TJP1: variants seen among roughly 807,000 people sequenced by gnomAD.
TJP1 encodes tight junction protein ZO-1.
In TJP1, 43 loss-of-function variants were observed where a neutral mutation model predicts 194.2. The observed-to-expected ratio is 0.22, with a 90% confidence interval of 0.17 to 0.29. TJP1 has a LOEUF of 0.29. Among genes scored for constraint, TJP1 ranks in the 10% least tolerant of loss-of-function variants. The pLI is 1.00. For synonymous variants in TJP1, 801 were observed against 779.0 expected (o/e 1.03, Z -0.47); for missense variants, 1,971 against 2,185.7 (o/e 0.90, Z 1.96).
intron 2 of TJP1, among the ~76,000 whole-genome samples, chr15:29,784,665 A>C (rs1018203053): frequency 1.3e-5 from 2 of 152,152 alleles, no homozygotes; most frequent in Non-Finnish European, 2.9e-5. Flanking sequence ...AAACCAGTCA[A>C]CATGCAAGAA....
At chr15:29,855,048 C>T (rs1220627753) in intron 2 of TJP1, among the ~76,000 whole-genome samples, 1 of 152,036 alleles carries the variant, frequency 6.6e-6, no homozygotes, top group Admixed American at 6.5e-5. Flanking sequence ...TTGATACTTC[C>T]ACTGTATACC....
intron 4 of TJP1, among the ~76,000 whole-genome samples, chr15:29,768,449 G>C (rs1224564733): frequency 6.6e-6 from 1 of 152,092 alleles, no homozygotes; most frequent in African/African-American, 2.4e-5. Flanking sequence ...TTAATCTTCA[G>C]TTCCTCCCTA....
intron 2 of TJP1, among the ~76,000 whole-genome samples, chr15:29,885,223 C>T (rs973231513): frequency 4.6e-5 from 7 of 152,232 alleles, no homozygotes; most frequent in Admixed American, 1.3e-4. Flanking sequence ...ATACATTATC[C>T]TTTTAGGAGG....
At chr15:29,830,618 A>G (rs2050808886) in intron 2 of TJP1, among the ~76,000 whole-genome samples, 1 of 151,824 alleles carries the variant, frequency 6.6e-6, no homozygotes, top group Non-Finnish European at 1.5e-5. Flanking sequence ...GAAAAGAGAA[A>G]CAAGTATAAA....
At chr15:29,858,230 G>A (rs1174194836) in intron 2 of TJP1, among the ~76,000 whole-genome samples, 3 of 152,008 alleles carry the variant, frequency 2.0e-5, no homozygotes, top group Non-Finnish European at 4.4e-5. Flanking sequence ...TCGAAACTTC[G>A]TCTCTATAAA....
At position 29,819,262 on chromosome 15, in the gene TJP1, A is replaced by T. The variant is rs1442526317; in HGVS notation, c.27+2740T>A. On this transcript the variant is annotated intron_variant, in intron 1 of 27. Coordinates refer to ENST00000614355, the MANE Select transcript of TJP1 (RefSeq NM_001330239.4). ...ATGGATAACCAATAGTCCTAGCACC[A>T]TACATTGAACAAGCCACTTTCTCCA... 3.3e-5 allele frequency among the ~76,000 whole-genome samples: 5 copies of T among 152,196 alleles called. No homozygotes were observed. In the East Asian group the frequency reaches 9.6e-4, roughly 29 times the overall value.
chr15:29,851,614 T>C (rs562274419), intron 2 of TJP1, among the ~76,000 whole-genome samples: 4 of 152,124 alleles, frequency 2.6e-5, no homozygotes, highest in Non-Finnish European at 5.9e-5. Context: ...CTAAAGCTTA[T>C]ATGGAAAGGA....
chr15:29,936,541 T>C (rs572337602), intron 2 of TJP1, among the ~76,000 whole-genome samples: 9 of 152,298 alleles, frequency 5.9e-5, no homozygotes, highest in Non-Finnish European at 1.0e-4. Flanking sequence ...AAACTGAGGC[T>C]TTCTTCCCCA....
At position 29,716,863 on chromosome 15, in the gene TJP1, G is replaced by C. The variant is rs764930578; in HGVS notation, c.3975-25C>G. On this transcript the variant is annotated intron_variant, in intron 22 of 27. Coordinates refer to ENST00000614355, the MANE Select transcript of TJP1 (RefSeq NM_001330239.4). ...CCTAACAGATAATGAATGACAAACG[G>C]AACACCTTTTTAAATATTAATGTTA... The C allele has an allele frequency of 2.6e-6, 4 of 1,550,454 alleles. No individual in the cohort carries two copies. The East Asian group carries it at 6.8e-5, about 26-fold the overall frequency.
intron 2 of TJP1, among the ~76,000 whole-genome samples, chr15:29,839,767 T>C (rs935225301): frequency 6.6e-6 from 1 of 152,238 alleles, no homozygotes; most frequent in African/African-American, 2.4e-5. Flanking sequence ...TGCCTAAGAA[T>C]TGAAATGATA....
At chr15:29,780,697 T>C (rs538701066) in intron 2 of TJP1, among the ~76,000 whole-genome samples, 2 of 152,050 alleles carry the variant, frequency 1.3e-5, no homozygotes, top group African/African-American at 4.8e-5. Context: ...AAAACTGTTA[T>C]TAGCACAAGA....
chr15:29,736,386 G>A (rs1313367365), intron 11 of TJP1, among the ~76,000 whole-genome samples: 3 of 152,218 alleles, frequency 2.0e-5, no homozygotes. Flanking sequence ...AGATTCTGGA[G>A]CAGACAGGAG....
intron 23 of TJP1, among the ~76,000 whole-genome samples, chr15:29,714,953 C>T (rs369579620): frequency 4.9e-4 from 74 of 152,298 alleles, no homozygotes; most frequent in African/African-American, 1.5e-3. Context: ...ATGTGTTTAA[C>T]GGTGTTTAGT....
At chr15:29,753,483 CAAAA>C (rs34221786) in intron 8 of TJP1, among the ~76,000 whole-genome samples, 2 of 47,936 alleles carry the variant, frequency 4.2e-5, no homozygotes, top group East Asian at 6.4e-4. Context: ...GACTCTGTGT[CAAAA>C]AAAAAAAAAA....
intron 2 of TJP1, among the ~76,000 whole-genome samples, chr15:29,783,926 C>A (rs2047534892): frequency 6.6e-6 from 1 of 152,084 alleles, no homozygotes; most frequent in Admixed American, 6.5e-5. Flanking sequence ...CATAACAAAT[C>A]TACACATGTA....
At chr15:29,854,268 T>C (rs1024899240) in intron 2 of TJP1, among the ~76,000 whole-genome samples, 1 of 152,046 alleles carries the variant, frequency 6.6e-6, no homozygotes, top group African/African-American at 2.4e-5. Flanking sequence ...TAGTAAGTTG[T>C]ATGGTGTGGT....
chr15:29,714,780 A>T (rs961592849), intron 23 of TJP1, among the ~76,000 whole-genome samples: 1 of 151,600 alleles, frequency 6.6e-6, no homozygotes, highest in Non-Finnish European at 1.5e-5. Flanking sequence ...TGACCTCATG[A>T]TCAGCCTGCC....
At chr15:29,952,442 C>T (rs1344619683) in intron 2 of TJP1, among the ~76,000 whole-genome samples, 1 of 152,112 alleles carries the variant, frequency 6.6e-6, no homozygotes, top group African/African-American at 2.4e-5. Flanking sequence ...CTGAAACAAT[C>T]ACTTCTCCCC....
Position 29,731,069 on chromosome 15 carries a change from T to A in TJP1, c.2017+1364A>T, listed in dbSNP as rs1432625054. 5.0e-6 allele frequency: 4 copies of A among 805,642 alleles called. No homozygotes were observed. In the Admixed American group the frequency reaches 7.9e-5, roughly 16 times the overall value. The allele number at this position is 805,642 out of a possible 1,614,324, so 49.9% of individuals were successfully genotyped here. Reference sequence around the variant, plus strand: ...TATCAAGTTTTATAAAAATGCAGAATTTTGTTTTACTTTTTTTTTTTTTTT... The same window carrying A: ...TATCAAGTTTTATAAAAATGCAGAAATTTGTTTTACTTTTTTTTTTTTTTT... On this transcript the variant is annotated intron_variant, in intron 15 of 27. Coordinates refer to ENST00000614355, the MANE Select transcript of TJP1 (RefSeq NM_001330239.4).
Sources: allele counts gnomAD v4.1 joint callset (sites outside exome capture counted in the v4.1 genomes callset), GRCh38; gene constraint gnomAD v4.1.1; transcripts MANE v1.5; gene names NCBI Gene and HGNC (gene_info 2026-07-23, HGNC 2026-07-21).